The following NEXMIF variants were observed in gnomAD, a reference collection of about 807,000 sequenced individuals.
The protein encoded by NEXMIF is XLMR protein related to neurite extension.
NEXMIF carries 8 observed loss-of-function variants against 62.1 expected under a neutral mutation model. The ratio of observed to expected loss-of-function variants is 0.13; its 90% CI spans 0.08 to 0.23. The LOEUF (loss-of-function observed/expected upper bound fraction) is 0.23. NEXMIF is among the 10% of genes least tolerant of loss of function. The probability of loss-of-function intolerance (pLI) is 1.00; values close to 1 mark genes in which losing one functional copy is unlikely to be tolerated. For synonymous variants in NEXMIF, 404 were observed against 416.6 expected (o/e 0.97, Z 0.37); for missense variants, 976 against 1,113.3 (o/e 0.88, Z 1.75).
intron 1 of NEXMIF, among the ~76,000 whole-genome samples, chrX:74,855,638 C>T (rs955070565): frequency 3.6e-5 from 4 of 112,044 alleles, no homozygotes; most frequent in African/African-American, 1.3e-4. Flanking sequence ...AAGGCCTAAG[C>T]TCCCACCTGT....
At chrX:74,883,583 A>G (rs746690478) in intron 1 of NEXMIF, among the ~76,000 whole-genome samples, 3 of 111,757 alleles carry the variant, frequency 2.7e-5, no homozygotes, top group African/African-American at 9.8e-5. Context: ...AAGTGTGAAG[A>G]GAAGTTTAGA....
At chrX:74,904,508 G>A (rs760682422) in intron 1 of NEXMIF, among the ~76,000 whole-genome samples, 16 of 111,563 alleles carry the variant, frequency 1.4e-4, no homozygotes, top group Non-Finnish European at 2.4e-4. Flanking sequence ...ACATTATAAA[G>A]TTAAGTGGAA....
chrX:74,837,402 C>G (rs895137694), intron 1 of NEXMIF, among the ~76,000 whole-genome samples: 4 of 111,539 alleles, frequency 3.6e-5, no homozygotes, highest in African/African-American at 1.3e-4. Flanking sequence ...TTTTATATAC[C>G]AGCAAACATA....
rs941043539 is a variant in NEXMIF, at chrX:74,738,282, A to G, written c.*1123T>C. ...TGCCACAAATTGTTCATCTTATCTGATAGTAAATGTACTTTACTCATAAGA... is the reference window on the plus strand; with the variant it reads ...TGCCACAAATTGTTCATCTTATCTGGTAGTAAATGTACTTTACTCATAAGA... On this transcript the variant is annotated 3_prime_UTR_variant, in exon 4 of 4. Transcript: ENST00000055682. The G allele has an allele frequency of 4.5e-5, 5 of 111,758 alleles. 1 individual carries two copies. The South Asian group carries it at 1.9e-3, about 41-fold the overall frequency. The allele number at this position is 111,758 out of a possible 1,213,427, so 9.2% of individuals were successfully genotyped here. A position where few individuals can be genotyped will look rare whatever the true frequency, so the allele number is the denominator to read the frequency against.
intron 1 of NEXMIF, among the ~76,000 whole-genome samples, chrX:74,827,519 C>T (rs1042953749): frequency 8.9e-6 from 1 of 112,211 alleles, no homozygotes; most frequent in Non-Finnish European, 1.9e-5. Flanking sequence ...TACCATGATG[C>T]CTTAGTTTCA....
intron 1 of NEXMIF, among the ~76,000 whole-genome samples, chrX:74,781,622 G>A (rs1211987208): frequency 9.2e-6 from 1 of 108,944 alleles, no homozygotes; most frequent in Non-Finnish European, 1.9e-5. Flanking sequence ...GTATGTGAAA[G>A]CCTTAGGTGT....
rs201189820 is a variant in NEXMIF at position 74,914,999 on chromosome X, T to C, written c.-48+9884A>G. 8.0e-5 allele frequency among the ~76,000 whole-genome samples: 9 copies of C among 112,157 alleles called. No individual in the cohort carries two copies. The East Asian group carries it at 2.3e-3, about 28-fold the overall frequency. On this transcript the variant is annotated intron_variant, in intron 1 of 3. Coordinates refer to ENST00000055682, the MANE Select transcript of NEXMIF (RefSeq NM_001008537.3). ...TCTTGAAATGATAAAACTTTAGATA[T>C]GGAAAATATATTGGTGATTGCAAGT... is the stretch of plus-strand genomic sequence containing the variant.
At chrX:74,830,602 T>C (rs374972175) in intron 1 of NEXMIF, among the ~76,000 whole-genome samples, 2 of 112,040 alleles carry the variant, frequency 1.8e-5, no homozygotes, top group East Asian at 2.8e-4. Context: ...GTCACTGGTA[T>C]TTTGATAAGG....
At chrX:74,885,525 G>A (rs1333550209) in intron 1 of NEXMIF, among the ~76,000 whole-genome samples, 6 of 111,546 alleles carry the variant, frequency 5.4e-5, no homozygotes, top group African/African-American at 1.6e-4. Flanking sequence ...ACACCTCTAC[G>A]CAAATAAACT....
intron 1 of NEXMIF, among the ~76,000 whole-genome samples, chrX:74,867,693 C>G (rs192495860): frequency 1.9e-3 from 209 of 112,065 alleles, no homozygotes; most frequent in African/African-American, 6.3e-3. Context: ...GGAAGACAAC[C>G]TAAGCAATAC....
chrX:74,740,267 C>T lies in NEXMIF; in HGVS notation c.4290G>A (p.Lys1430=), dbSNP rs954974268. 1.7e-6 allele frequency: 2 copies of T among 1,211,380 alleles called. No homozygotes were observed. The highest frequency in any genetic ancestry group is 3.5e-5 in the South Asian group (2 of 56,960). The stretch of plus-strand genomic sequence containing the variant: ...TGCCTAAAGTGCTCATGTTACTATA[C>T]TTTTTATCAAAGAAGGTAGAGCGAG... ...EDSRSTFFDK[K]YSNMSTLGNN... Residue 1430 remains lysine (K), a synonymous_variant, in exon 3 of 4, where the codon AAG becomes AAA. Transcript: ENST00000055682.
intron 1 of NEXMIF, among the ~76,000 whole-genome samples, chrX:74,757,571 C>A (rs1168946589): frequency 8.9e-6 from 1 of 112,121 alleles, no homozygotes; most frequent in Non-Finnish European, 1.9e-5. Context: ...CAGAATTACT[C>A]TTTGCCCATT....
At chrX:74,847,920 T>C (rs2080498289) in intron 1 of NEXMIF, among the ~76,000 whole-genome samples, 1 of 111,404 alleles carries the variant, frequency 9.0e-6, no homozygotes, top group Non-Finnish European at 1.9e-5. Context: ...GTCAAGTAAA[T>C]GGTCAGACCA....
In NEXMIF at chrX:74,735,120, A is replaced by G. The variant is rs2080081770; in HGVS notation, c.*4285T>C. On this transcript the variant is annotated 3_prime_UTR_variant, in exon 4 of 4. Coordinates refer to ENST00000055682, the MANE Select transcript of NEXMIF (RefSeq NM_001008537.3). The stretch of plus-strand genomic sequence containing the variant: ...ACCAACCTCACATTAGTTTTATTTT[A>G]TAAAAAGAACATATTTCTGTAGTGA... 1 of 112,466 alleles carries G rather than the reference A, an allele frequency of 8.9e-6. No individual in the cohort carries two copies. Among genetic ancestry groups the G allele is most frequent in the Non-Finnish European group, 1.9e-5 (1 of 53,212 alleles). 9.3% of individuals were successfully genotyped at this position (112,466 alleles called of 1,213,427 possible). A position where few individuals can be genotyped will look rare whatever the true frequency, so the allele number is the denominator to read the frequency against.
At chrX:74,858,971 A>G (rs182225460) in intron 1 of NEXMIF, among the ~76,000 whole-genome samples, 287 of 110,481 alleles carry the variant, frequency 2.6e-3, no homozygotes, top group African/African-American at 9.1e-3. Context: ...CAGTAAGAGT[A>G]GACAAAAGAA....
In NEXMIF at chrX:74,742,025, G is replaced by C; in HGVS notation, c.2532C>G (p.Ser844Arg). The C allele has an allele frequency of 8.3e-7, 1 of 1,211,723 alleles. No homozygotes were observed. Among genetic ancestry groups the C allele is most frequent in the African/African-American group, 1.7e-5 (1 of 57,840 alleles). Residue 844 changes from serine (S) to arginine (R), a missense_variant, in exon 3 of 4, where the codon AGC (serine) becomes AGG (arginine). By Grantham distance (110) the Ser-to-Arg change is moderately radical. Transcript: ENST00000055682. ...CAAATGATTTTTCGGTTTGAGTGAGGCTGCCTTCATTTTGCTCTGGAGAAT... is the reference window on the plus strand; with the variant it reads ...CAAATGATTTTTCGGTTTGAGTGAGCCTGCCTTCATTTTGCTCTGGAGAAT... ...SHHSPEQNEG[S>R]LTQTEKSFVP...
At chrX:74,919,430 C>A (rs990087939) in intron 1 of NEXMIF, among the ~76,000 whole-genome samples, 1 of 111,194 alleles carries the variant, frequency 9.0e-6, no homozygotes, top group Non-Finnish European at 1.9e-5. Flanking sequence ...AATTGAGAAT[C>A]ATGGTTTCTT....
In NEXMIF at chrX:74,744,082, G is replaced by T. The variant is rs149980277; in HGVS notation, c.475C>A (p.Pro159Thr). ...ACTTTCAGACTGATCCCTGGCTCAGGATCTACTGCATCCTTGGATTCCATG... is the reference window on the plus strand; with the variant it reads ...ACTTTCAGACTGATCCCTGGCTCAGTATCTACTGCATCCTTGGATTCCATG... The part of the protein sequence containing the change: ...CFMESKDAVD[P>T]EPGISLKVGD... Residue 159 changes from proline (P) to threonine (T), a missense_variant, in exon 3 of 4, where the codon CCT (proline) becomes ACT (threonine). Pro to Thr is a conservative substitution (Grantham distance 38, BLOSUM62 -1). Around this residue, in one of 5 missense-constraint regions of NEXMIF, gnomAD observed 126 missense variants for 146.5 expected, o/e 0.86. Transcript: ENST00000055682. 2.5e-6 allele frequency: 3 copies of T among 1,211,630 alleles called. No individual in the cohort carries two copies. The South Asian group carries it at 5.3e-5, about 21-fold the overall frequency.
intron 1 of NEXMIF, among the ~76,000 whole-genome samples, chrX:74,875,998 G>C (rs2080630720): frequency 9.0e-6 from 1 of 110,698 alleles, no homozygotes; most frequent in African/African-American, 3.3e-5. Context: ...ATTTCCTTCA[G>C]TTCTGCTCTG....
Sources: gnomAD v4.1 joint callset for allele counts (sites outside exome capture counted in the v4.1 genomes callset) on GRCh38, gnomAD v4.1.1 for gene constraint, gnomAD v4.1.1 regional missense constraint, MANE v1.5 for transcripts, NCBI Gene and HGNC (gene_info 2026-07-23, HGNC 2026-07-21) for gene names.